SCAMP5: variants seen among roughly 807,000 people sequenced by gnomAD.
SCAMP5 encodes secretory carrier-associated membrane protein 5.
In SCAMP5, 7 loss-of-function variants were observed where a neutral mutation model predicts 28.3. The observed-to-expected ratio is 0.25, with a 90% CI of 0.14 to 0.46. SCAMP5 has a LOEUF of 0.46. Ranked by LOEUF, SCAMP5 falls within the 20% of genes least tolerant of loss-of-function variation. SCAMP5 has a pLI of 0.99. For synonymous variants in SCAMP5, 117 were observed against 116.4 expected (o/e 1.00, Z -0.03); for missense variants, 192 against 312.5 (o/e 0.61, Z 2.91).
intron 1 of SCAMP5, among the ~76,000 whole-genome samples, chr15:75,004,373 G>A (rs1048122520): frequency 2.0e-5 from 3 of 152,102 alleles, no homozygotes; most frequent in Non-Finnish European, 2.9e-5. Flanking sequence ...TCGCAGAACC[G>A]TTTGAAAGGA....
chr15:75,012,887 C>A, intron 3 of SCAMP5, 82 bp downstream of exon 3: 2 of 1,372,850 alleles, frequency 1.5e-6, no homozygotes, highest in Non-Finnish European at 2.1e-6. Context: ...GGGTGGGGTG[C>A]CCACAGGCCT....
chr15:74,998,817 TC>T (rs1388028646), intron 1 of SCAMP5, among the ~76,000 whole-genome samples: 2 of 152,132 alleles, frequency 1.3e-5, no homozygotes, highest in Non-Finnish European at 2.9e-5. Context: ...AGCTTTGCCC[TC>T]TGCTCTGGTT....
chr15:75,002,841 G>T (rs2065722460), intron 1 of SCAMP5, among the ~76,000 whole-genome samples: 1 of 151,720 alleles, frequency 6.6e-6, no homozygotes, highest in African/African-American at 2.4e-5. Context: ...AATTTTGTCA[G>T]TTCTAAGATG....
intron 1 of SCAMP5, among the ~76,000 whole-genome samples, chr15:75,006,416 G>T (rs2065759800): frequency 1.3e-5 from 2 of 152,104 alleles, no homozygotes; most frequent in South Asian, 4.1e-4. Flanking sequence ...ACTTTGGGAG[G>T]CTGAGGTGGG....
chr15:75,018,465 C>A lies in SCAMP5; in HGVS notation c.443C>A (p.Ala148Glu). ...ISFFGTNIGS[A>E]VVMLIPTVMF... ...TTCTTCGGAACGAACATTGGCTCGG[C>A]GGTGGTGATGCTAATTCCCACTGTC... The change falls in exon 6 of 7, where the codon GCG becomes GAG. Residue 148 changes from alanine to glutamate, a missense_variant. Ala to Glu is a moderately radical substitution (Grantham distance 107, BLOSUM62 -1). Coordinates refer to ENST00000425597, the MANE Select transcript of SCAMP5 (RefSeq NM_138967.4). This position sits in a 1 kb window ranked among gnomAD's most constrained non-coding sequence, Gnocchi z 5.6. 2 of 1,613,748 alleles carry A rather than the reference C, an allele frequency of 1.2e-6. No homozygotes were observed. The highest frequency in any genetic ancestry group is 8.5e-7 in the Non-Finnish European group (1 of 1,179,710).
chr15:74,998,755 C>G (rs2065675286), intron 1 of SCAMP5, among the ~76,000 whole-genome samples: 1 of 151,818 alleles, frequency 6.6e-6, no homozygotes, highest in African/African-American at 2.4e-5. Flanking sequence ...TCTTTTACCA[C>G]CCTCTCAAGC....
At chr15:75,011,107 C>T (rs556956967) in intron 1 of SCAMP5, among the ~76,000 whole-genome samples, 20 of 152,084 alleles carry the variant, frequency 1.3e-4, no homozygotes, top group East Asian at 5.8e-4. Context: ...CAGGAGGCTG[C>T]GCTTGGAGGA....
chr15:75,003,559 C>G (rs910871540), intron 1 of SCAMP5, among the ~76,000 whole-genome samples: 1 of 152,176 alleles, frequency 6.6e-6, no homozygotes. Context: ...CCTGTAATCT[C>G]AGCACGTTGG....
rs2065900374 is a variant in SCAMP5 at position 75,021,066 on chromosome 15, A to G, written c.*2083A>G. 1 of 152,168 alleles carries G rather than the reference A, an allele frequency of 6.6e-6. No individual in the cohort carries two copies. The highest frequency in any genetic ancestry group is 6.5e-5 in the Admixed American group (1 of 15,272). The allele number at this position is 152,168 out of a possible 1,614,324, so 9.4% of individuals were successfully genotyped here. ...CCTGTGATCCAGCTCCCTGCCTAGCATCCATGACCTGTTGGATGTTACCTC... is the reference window on the plus strand; with the variant it reads ...CCTGTGATCCAGCTCCCTGCCTAGCGTCCATGACCTGTTGGATGTTACCTC... On this transcript the variant is annotated 3_prime_UTR_variant, in exon 7 of 7. Coordinates refer to ENST00000425597, the MANE Select transcript of SCAMP5 (RefSeq NM_138967.4).
intron 1 of SCAMP5, among the ~76,000 whole-genome samples, chr15:75,003,620 G>A (rs2065729587): frequency 1.3e-5 from 2 of 152,056 alleles, no homozygotes; most frequent in Admixed American, 6.6e-5. Context: ...GAACAGCTTG[G>A]GCAATGTAGC....
At chr15:75,010,295 CT>C (rs2065799238) in intron 1 of SCAMP5, among the ~76,000 whole-genome samples, 1 of 152,204 alleles carries the variant, frequency 6.6e-6, no homozygotes, top group Non-Finnish European at 1.5e-5. Flanking sequence ...TCGTCCTCCC[CT>C]GGAACCTCCG....
Position 75,011,804 on chromosome 15 carries a change from A to G in SCAMP5, c.-36A>G. On this transcript the variant is annotated 5_prime_UTR_variant, in exon 2 of 7. Coordinates refer to ENST00000425597, the MANE Select transcript of SCAMP5 (RefSeq NM_138967.4). ...TCTTTCCTTGCAGTTCAGGACAAAGAGGTGTGGGCAGGCCACTGGGCCAGC... is the reference window on the plus strand; with the variant it reads ...TCTTTCCTTGCAGTTCAGGACAAAGGGGTGTGGGCAGGCCACTGGGCCAGC... 1 of 1,605,828 alleles carries G rather than the reference A, an allele frequency of 6.2e-7. No homozygotes were observed.
At chr15:75,017,477 G>A (rs2065869088) in intron 4 of SCAMP5, among the ~76,000 whole-genome samples, 1 of 152,116 alleles carries the variant, frequency 6.6e-6, no homozygotes, top group Admixed American at 6.5e-5. Context: ...GTTCCAATGA[G>A]ACTTTCTATC....
chr15:75,018,390 G>A lies in SCAMP5; in HGVS notation c.396-28G>A, dbSNP rs775014317. On this transcript the variant is annotated intron_variant, in intron 5 of 6. Coordinates refer to ENST00000425597, the MANE Select transcript of SCAMP5 (RefSeq NM_138967.4). This position sits in a 1 kb window ranked among gnomAD's most constrained non-coding sequence, Gnocchi z 5.6. ...CTCCTGGGCACCTCTTATCCTGCCC[G>A]CAGCCCCACACTGGCCTCTTCCTGC... 9.5e-6 allele frequency: 14 copies of A among 1,467,674 alleles called. No individual in the cohort carries two copies. Among genetic ancestry groups the A allele is most frequent in the South Asian group, 3.4e-5 (3 of 88,218 alleles). The allele number at this position is 1,467,674 out of a possible 1,614,324, so 90.9% of individuals were successfully genotyped here.
chr15:75,004,809 T>G (rs1479470891), intron 1 of SCAMP5, among the ~76,000 whole-genome samples: 7 of 152,060 alleles, frequency 4.6e-5, no homozygotes, highest in African/African-American at 1.7e-4. Flanking sequence ...TAGTGAATAG[T>G]AGTATCTACT....
At chr15:75,008,501 C>CTT (rs768510982) in intron 1 of SCAMP5, among the ~76,000 whole-genome samples, 30 of 130,986 alleles carry the variant, frequency 2.3e-4, no homozygotes, top group African/African-American at 5.9e-4. Context: ...CATCTTTATT[C>CTT]TTTTTTTTTT....
chr15:75,009,441 TTGTGTGTGTGTGTGTG>T (rs3057655), intron 1 of SCAMP5, among the ~76,000 whole-genome samples: 27 of 136,146 alleles, frequency 2.0e-4, no homozygotes, highest in African/African-American at 6.6e-4. Context: ...TGCTAGAAGT[TTGTGTGTGTGTGTGTG>T]TGTGTGTGTG....
rs1196588186 is a variant in SCAMP5 at position 75,018,699 on chromosome 15, G to GTT, written c.514-81_514-80dup. The GTT allele has an allele frequency of 1.8e-4, 165 of 909,174 alleles. No individual in the cohort carries two copies. The highest frequency in any genetic ancestry group is 2.4e-4 in the Non-Finnish European group (146 of 605,900). 56.3% of individuals were successfully genotyped at this position (909,174 alleles called of 1,614,324 possible). ...GAGGCATTCATGGGGAGGGAGCACT[G>GTT]TTTTTTTTTTACAGATGGGTCCCAT... On this transcript the variant is annotated intron_variant, in intron 6 of 6. Transcript: ENST00000425597. This position sits in a 1 kb window ranked among gnomAD's most constrained non-coding sequence, Gnocchi z 5.6.
At chr15:75,004,904 C>A (rs909545679) in intron 1 of SCAMP5, among the ~76,000 whole-genome samples, 10 of 150,162 alleles carry the variant, frequency 6.7e-5, no homozygotes, top group African/African-American at 2.4e-4. Flanking sequence ...TGGTTGGGCG[C>A]GGTGGCTCAC....
Sources: allele counts gnomAD v4.1 joint callset (sites outside exome capture counted in the v4.1 genomes callset), GRCh38; gene constraint gnomAD v4.1.1; non-coding constraint Gnocchi (gnomAD v3.1); transcripts MANE v1.5; gene names NCBI Gene and HGNC (gene_info 2026-07-23, HGNC 2026-07-21).